The following CEP128 variants were observed in gnomAD, a reference collection of about 807,000 sequenced individuals.
CEP128 encodes centrosomal protein 128.
Under a neutral mutation model 156.7 loss-of-function variants are expected in CEP128, and 132 were observed. The observed-to-expected ratio is 0.84, with a 90% CI of 0.73 to 0.97. The LOEUF is 0.97. Ranked by LOEUF, CEP128 falls within the 50% of genes least tolerant of loss-of-function variation. The probability of loss-of-function intolerance (pLI) is 0.00; values close to 1 mark genes in which losing one functional copy is unlikely to be tolerated. For synonymous variants in CEP128, 469 were observed against 448.9 expected, an observed-to-expected ratio of 1.04 and a Z score of -0.57; for missense variants, 1,252 against 1,281.9, an observed-to-expected ratio of 0.98 and a Z score of 0.36.
intron 3 of CEP128, among the ~76,000 whole-genome samples, chr14:80,915,217 C>T (rs776839117): frequency 6.6e-6 from 1 of 151,890 alleles, no homozygotes; most frequent in African/African-American, 2.4e-5. Context: ...TAGACACAGT[C>T]TAAGTATGTT....
intron 19 of CEP128, among the ~76,000 whole-genome samples, chr14:80,675,886 T>C (rs1896040727): frequency 1.3e-5 from 2 of 152,130 alleles, no homozygotes; most frequent in Non-Finnish European, 1.5e-5. Context: ...TTTACATCTA[T>C]TCCTGTGTTG....
At chr14:80,680,627 T>C (rs1209141724) in intron 19 of CEP128, among the ~76,000 whole-genome samples, 6 of 152,120 alleles carry the variant, frequency 3.9e-5, no homozygotes, top group Non-Finnish European at 7.4e-5. Context: ...TGTGGTATAG[T>C]AGGACCCTCT....
chr14:80,785,141 C>G lies in CEP128; in HGVS notation c.1965G>C (p.Glu655Asp), dbSNP rs1901331979. The G allele has an allele frequency of 1.2e-6, 2 of 1,614,026 alleles. No homozygotes were observed. The highest frequency in any genetic ancestry group is 3.3e-5 in the Admixed American group (2 of 60,010). Reference protein sequence around the residue: ...ADLANKLAEEERAKKAVLKDL... With the variant: ...ADLANKLAEEDRAKKAVLKDL... Reference sequence around the variant, plus strand: ...CCTTAAGCACTGCTTTCTTGGCTCTCTCTTCCTCAGCCAATTTATTAGCAA... The same window carrying G: ...CCTTAAGCACTGCTTTCTTGGCTCTGTCTTCCTCAGCCAATTTATTAGCAA... Residue 655 changes from glutamate to aspartate, a missense_variant, in exon 15 of 25, where the codon GAG becomes GAC. Glu to Asp is a conservative substitution (Grantham distance 45). Transcript: ENST00000555265.
chr14:80,710,119 C>T (rs997203392), intron 19 of CEP128, among the ~76,000 whole-genome samples: 1 of 151,938 alleles, frequency 6.6e-6, no homozygotes, highest in African/African-American at 2.4e-5. Flanking sequence ...CAAAATACTG[C>T]TATTTGTTAA....
intron 3 of CEP128, 122 bp downstream of exon 3, chr14:80,916,279 G>T: frequency 2.5e-6 from 2 of 789,888 alleles, no homozygotes; most frequent in Non-Finnish European, 4.2e-6. Context: ...AATTTGTGTT[G>T]TTTTAAGACA....
At chr14:80,857,802 T>C (rs1887277673) in intron 9 of CEP128, among the ~76,000 whole-genome samples, 1 of 150,098 alleles carries the variant, frequency 6.7e-6, no homozygotes, top group Admixed American at 6.6e-5. Flanking sequence ...AAGTTCAAAG[T>C]ATCATCTACA....
chr14:80,551,870 T>C (rs1171894117), intron 21 of CEP128, among the ~76,000 whole-genome samples: 1 of 152,110 alleles, frequency 6.6e-6, no homozygotes, highest in African/African-American at 2.4e-5. Context: ...TATGTGCAAC[T>C]AAGAAGGACA....
chr14:80,699,100 C>G (rs993680650), intron 19 of CEP128, among the ~76,000 whole-genome samples: 1 of 152,176 alleles, frequency 6.6e-6, no homozygotes, highest in African/African-American at 2.4e-5. Flanking sequence ...GATACTCAAA[C>G]GGAAATTACT....
At chr14:80,685,418 C>T (rs1467405054) in intron 19 of CEP128, among the ~76,000 whole-genome samples, 1 of 151,844 alleles carries the variant, frequency 6.6e-6, no homozygotes, top group African/African-American at 2.4e-5. Context: ...AGGAGAACCA[C>T]AAAACACTGC....
At chr14:80,611,492 T>G (rs1892991670) in intron 19 of CEP128, among the ~76,000 whole-genome samples, 1 of 152,096 alleles carries the variant, frequency 6.6e-6, no homozygotes, top group Non-Finnish European at 1.5e-5. Context: ...GTTAAAATAT[T>G]GTAAATACCA....
At position 80,739,257 on chromosome 14, in the gene CEP128, T is replaced by C. The variant is rs1312154992; in HGVS notation, c.2806+3818A>G. ...CACAAAGATTAGACCCAATTACAGA[T>C]GCTAAGAAGCTACCCATCAAAATAA... is the stretch of plus-strand genomic sequence containing the variant. On this transcript the variant is annotated intron_variant, in intron 19 of 24. Transcript: ENST00000555265. Among the ~76,000 whole-genome samples, 8 of 152,258 alleles carry C rather than the reference T, an allele frequency of 5.3e-5. No homozygotes were observed. The East Asian group carries it at 1.5e-3, about 29-fold the overall frequency.
intron 2 of CEP128, among the ~76,000 whole-genome samples, chr14:80,935,528 T>C (rs1454454622): frequency 1.3e-5 from 2 of 150,204 alleles, no homozygotes; most frequent in Non-Finnish European, 3.0e-5. Flanking sequence ...TCCAGCCTTC[T>C]GGAGTAAGAC....
At chr14:80,546,994 T>A (rs1423746776) in intron 21 of CEP128, among the ~76,000 whole-genome samples, 1 of 152,216 alleles carries the variant, frequency 6.6e-6, no homozygotes, top group East Asian at 1.9e-4. Flanking sequence ...CTCCAGCCTT[T>A]CATCTGAGAT....
chr14:80,559,636 CACA>C (rs2140368447), intron 20 of CEP128, among the ~76,000 whole-genome samples: 1 of 152,244 alleles, frequency 6.6e-6, no homozygotes, highest in African/African-American at 2.4e-5. Context: ...TTATATGAAT[CACA>C]ACTAGACAAG....
intron 23 of CEP128, among the ~76,000 whole-genome samples, chr14:80,521,210 AAATTT>A (rs1327056552): frequency 2.0e-5 from 3 of 152,016 alleles, no homozygotes; most frequent in Non-Finnish European, 4.4e-5. Context: ...AAAAACTAAT[AAATTT>A]AATTGGTATT....
chr14:80,678,158 G>C (rs996503113), intron 19 of CEP128, among the ~76,000 whole-genome samples: 1 of 151,290 alleles, frequency 6.6e-6, no homozygotes, highest in African/African-American at 2.4e-5. Context: ...GGTAAGCTGA[G>C]AGCCCTCATT....
intron 21 of CEP128, among the ~76,000 whole-genome samples, chr14:80,538,325 AT>A (rs1273287069): frequency 6.6e-6 from 1 of 152,214 alleles, no homozygotes; most frequent in African/African-American, 2.4e-5. Context: ...TGCATTTACT[AT>A]TCTACAAACA....
chr14:80,499,592 C>T (rs1887644576), intron 24 of CEP128, among the ~76,000 whole-genome samples: 1 of 152,136 alleles, frequency 6.6e-6, no homozygotes, highest in Non-Finnish European at 1.5e-5. Context: ...TTTAGATTTA[C>T]AGGAAATTTA....
At chr14:80,943,194 A>G (rs1886237397), upstream of CEP128, among the ~76,000 whole-genome samples, 1 of 152,262 alleles carries the variant, frequency 6.6e-6, no homozygotes, top group Non-Finnish European at 1.5e-5. Context: ...TATTTCTAGT[A>G]TCCAGACATT....
Sources: gnomAD v4.1 joint callset for allele counts (sites outside exome capture counted in the v4.1 genomes callset) on GRCh38, gnomAD v4.1.1 for gene constraint, MANE v1.5 for transcripts, NCBI Gene and HGNC (gene_info 2026-07-23, HGNC 2026-07-21) for gene names.